The following EXOC1 variants were observed in gnomAD, a reference collection of about 807,000 sequenced individuals.
EXOC1 encodes SEC3-like 1.
In EXOC1, 67 loss-of-function variants were observed where a neutral mutation model predicts 107.7. The ratio of observed to expected loss-of-function variants is 0.62; its 90% CI spans 0.51 to 0.76. EXOC1 has a LOEUF of 0.76. Ranked by LOEUF, EXOC1 falls within the 30% of genes least tolerant of loss-of-function variation. The probability of loss-of-function intolerance (pLI) is 0.00; values close to 1 mark genes in which losing one functional copy is unlikely to be tolerated. For synonymous variants in EXOC1, 348 were observed against 353.5 expected, an observed-to-expected ratio of 0.98 and a Z score of 0.17; for missense variants, 833 against 1,055.7, an observed-to-expected ratio of 0.79 and a Z score of 2.92.
intron 8 of EXOC1, among the ~76,000 whole-genome samples, chr4:55,874,412 T>G (rs1407967188): frequency 6.6e-6 from 1 of 152,142 alleles, no homozygotes; most frequent in African/African-American, 2.4e-5. Flanking sequence ...CTTTTCATTT[T>G]AAAAATGACA....
chr4:55,886,889 G>C (rs1361469539), intron 10 of EXOC1, among the ~76,000 whole-genome samples: 1 of 152,110 alleles, frequency 6.6e-6, no homozygotes, highest in Non-Finnish European at 1.5e-5. Context: ...AGCCACTCTT[G>C]AGTCAAGTCT....
chr4:55,856,088 G>A (rs879358407), intron 1 of EXOC1, among the ~76,000 whole-genome samples: 11 of 152,186 alleles, frequency 7.2e-5, no homozygotes, highest in Non-Finnish European at 1.6e-4. Context: ...AACGGAAAAA[G>A]GAATCATCAA....
At chr4:55,861,215 T>C (rs1305144044) in intron 3 of EXOC1, among the ~76,000 whole-genome samples, 4 of 152,136 alleles carry the variant, frequency 2.6e-5, no homozygotes, top group Non-Finnish European at 4.4e-5. Context: ...CCCCTGGCCC[T>C]CTCTCACTCT....
intron 13 of EXOC1, 74 bp downstream of exon 13, chr4:55,891,496 AT>A: frequency 1.0e-6 from 1 of 997,298 alleles, no homozygotes; most frequent in Non-Finnish European, 1.5e-6. Context: ...TGTGGTCACA[AT>A]TTTATGATCA....
rs118088021 is a variant in EXOC1, at chr4:55,871,404, T to C, written c.964+171T>C. 3.5e-4 allele frequency among the ~76,000 whole-genome samples: 53 copies of C among 152,348 alleles called. 1 individual carries two copies. In the East Asian group the frequency reaches 7.9e-3, roughly 23 times the overall value. On this transcript the variant is annotated intron_variant, in intron 7 of 18. Transcript: ENST00000381295. ...TTATTTCTATTGATACTAGGAACTT[T>C]TTTACTTCAGTTCCTCCTTCTAATT...
At position 55,896,870 on chromosome 4, in the gene EXOC1, A is replaced by G. The variant is rs769061715; in HGVS notation, c.2107A>G (p.Thr703Ala). The G allele has an allele frequency of 1.1e-5, 17 of 1,604,970 alleles. No homozygotes were observed. The highest frequency in any genetic ancestry group is 1.7e-4 in the Middle Eastern group (1 of 6,056). ...ERRGDLDKAY[T>A]KLIRGVFVNV... is the part of the protein sequence containing the mutation. ...TCGTGGAGACCTGGATAAAGCATACACCAAACTTATCAGAGGAGTATTTGT... is the reference window on the plus strand; with the variant it reads ...TCGTGGAGACCTGGATAAAGCATACGCCAAACTTATCAGAGGAGTATTTGT... Residue 703 changes from threonine (T) to alanine (A), a missense_variant, in exon 16 of 19, where the codon ACC becomes GCC. By Grantham distance (58) the Thr-to-Ala change is moderately conservative (BLOSUM62 0). This residue lies in a region of EXOC1 where 216 missense variants were observed against 354.4 expected (regional missense o/e 0.61). Transcript: ENST00000381295.
intron 15 of EXOC1, among the ~76,000 whole-genome samples, chr4:55,895,148 T>G (rs1030618990): frequency 2.6e-5 from 4 of 152,212 alleles, no homozygotes; most frequent in Non-Finnish European, 5.9e-5. Flanking sequence ...ATTTCAATAA[T>G]GTCTTATTTT....
chr4:55,885,220 ACTC>A (rs1459069853), intron 10 of EXOC1, among the ~76,000 whole-genome samples: 1 of 151,876 alleles, frequency 6.6e-6, no homozygotes, highest in Non-Finnish European at 1.5e-5. Context: ...TTTTGAGAGA[ACTC>A]CTTCAGTATA....
At chr4:55,897,939 A>G (rs1725431267) in intron 16 of EXOC1, among the ~76,000 whole-genome samples, 2 of 152,200 alleles carry the variant, frequency 1.3e-5, no homozygotes, top group Non-Finnish European at 2.9e-5. Context: ...TTAAAATTCA[A>G]AGTAGCTTTG....
At chr4:55,876,689 AT>A in intron 8 of EXOC1, 1 of 985,238 alleles carries the variant, frequency 1.0e-6, no homozygotes, top group Non-Finnish European at 1.2e-6. Context: ...ATTTTGTGAT[AT>A]TTTTCTGCCA....
chr4:55,867,748 G>A (rs950152094), intron 4 of EXOC1, among the ~76,000 whole-genome samples: 8 of 152,134 alleles, frequency 5.3e-5, no homozygotes, highest in Admixed American at 1.3e-4. Flanking sequence ...ATCAATGCAT[G>A]TGAAATTTTT....
chr4:55,877,308 TTAGA>T (rs1722991822), intron 8 of EXOC1: 15 of 985,266 alleles, frequency 1.5e-5, no homozygotes, highest in Non-Finnish European at 1.7e-5. Flanking sequence ...TCTAGGCAAA[TTAGA>T]TTGAGTGAAA....
Position 55,864,371 on chromosome 4 carries a change from TCA to T in EXOC1, c.403_404del (p.Gln135AlafsTer18), listed in dbSNP as rs1226515021. 1 of 1,607,148 alleles carries T rather than the reference TCA, an allele frequency of 6.2e-7. No homozygotes were observed. Among genetic ancestry groups the T allele is most frequent in the Admixed American group, 1.7e-5 (1 of 58,958 alleles). On this transcript the variant is annotated frameshift_variant, in exon 4 of 19. Coordinates refer to ENST00000381295, the MANE Select transcript of EXOC1 (RefSeq NM_001024924.2). LOFTEE classifies it high-confidence loss of function. ...RKKIDFVNVS[S>X]QLLEESVPSG... ...GAAAATTGATTTTGTCAATGTTAGC[TCA>T]CAGCTTTTGGAAGGTAAAGTTAAAT...
chr4:55,861,510 A>G (rs1455702363), intron 3 of EXOC1, among the ~76,000 whole-genome samples: 2 of 152,212 alleles, frequency 1.3e-5, no homozygotes, highest in Non-Finnish European at 2.9e-5. Flanking sequence ...TCTGGACAAA[A>G]TGACAGGTAG....
rs1444198383 is a variant in EXOC1 at position 55,890,446 on chromosome 4, T to G, written c.1539+60T>G. The G allele has an allele frequency of 1.1e-5, 16 of 1,506,716 alleles. No individual in the cohort carries two copies. The African/African-American group carries it at 2.1e-4, about 19-fold the overall frequency. 93.3% of individuals were successfully genotyped at this position (1,506,716 alleles called of 1,614,324 possible). On this transcript the variant is annotated intron_variant, in intron 12 of 18. Transcript: ENST00000381295. Reference sequence around the variant, plus strand: ...ACATTAGTTTTCTAACAGCAGTTTGTGGTTGCTCTAAGTGTGTTCAAAGAT... The same window carrying G: ...ACATTAGTTTTCTAACAGCAGTTTGGGGTTGCTCTAAGTGTGTTCAAAGAT...
At position 55,864,204 on chromosome 4, in the gene EXOC1, T is replaced by C. The variant is rs758927836; in HGVS notation, c.256-23T>C. Reference sequence around the variant, plus strand: ...TAAAAGGATGTGATCAAAAATAATATCTTTTGTATATTTTTATTTTAGGAA... The same window carrying C: ...TAAAAGGATGTGATCAAAAATAATACCTTTTGTATATTTTTATTTTAGGAA... On this transcript the variant is annotated intron_variant, in intron 3 of 18. Coordinates refer to ENST00000381295, the MANE Select transcript of EXOC1 (RefSeq NM_001024924.2). 35 of 1,390,032 alleles carry C rather than the reference T, an allele frequency of 2.5e-5. No individual in the cohort carries two copies. In the Admixed American group the frequency reaches 7.0e-4, roughly 28 times the overall value. 86.1% of individuals were successfully genotyped at this position (1,390,032 alleles called of 1,614,324 possible).
chr4:55,880,301 A>G (rs1483929584), intron 9 of EXOC1, among the ~76,000 whole-genome samples: 4 of 151,792 alleles, frequency 2.6e-5, no homozygotes, highest in South Asian at 2.1e-4. Context: ...AATTTTAAAA[A>G]TGCTTTTCAA....
chr4:55,867,898 AG>A (rs1422862663), intron 4 of EXOC1, among the ~76,000 whole-genome samples: 1 of 152,234 alleles, frequency 6.6e-6, no homozygotes, highest in Non-Finnish European at 1.5e-5. Flanking sequence ...AAGTAACAAA[AG>A]AAAAATTTCA....
At chr4:55,886,212 A>G (rs1723859178) in intron 10 of EXOC1, among the ~76,000 whole-genome samples, 1 of 152,142 alleles carries the variant, frequency 6.6e-6, no homozygotes, top group African/African-American at 2.4e-5. Context: ...GAGTGTGTTC[A>G]ATGCATTTTC....
Sources: allele counts gnomAD v4.1 joint callset (sites outside exome capture counted in the v4.1 genomes callset), GRCh38; gene constraint gnomAD v4.1.1; regional missense constraint gnomAD v4.1.1; transcripts MANE v1.5; gene names NCBI Gene and HGNC (gene_info 2026-07-23, HGNC 2026-07-21).